Variants in PAIP1 observed in about 807,000 individuals in gnomAD.
The protein encoded by PAIP1 is polyadenylate-binding protein-interacting protein 1.
Under a neutral mutation model 61.3 loss-of-function variants are expected in PAIP1, and 16 were observed. The observed-to-expected ratio is 0.26, with a 90% CI of 0.18 to 0.40. PAIP1 has a LOEUF of 0.40. PAIP1 is among the 10% of genes least tolerant of loss of function. PAIP1 has a pLI of 1.00. For synonymous variants in PAIP1, 187 were observed against 226.2 expected, an observed-to-expected ratio of 0.83 and a Z score of 1.56; for missense variants, 416 against 600.9, an observed-to-expected ratio of 0.69 and a Z score of 3.22.
rs1453909225 is a variant in PAIP1 at position 43,534,752 on chromosome 5, T to A, written c.1197+101A>T. ...GTCACTCAAAGCCAGTGAAGACAGTTATTAGGCACTGAATTCTGAGAACAG... is the reference window on the plus strand; with the variant it reads ...GTCACTCAAAGCCAGTGAAGACAGTAATTAGGCACTGAATTCTGAGAACAG... On this transcript the variant is annotated intron_variant, in intron 8 of 10. Coordinates refer to ENST00000306846, the MANE Select transcript of PAIP1 (RefSeq NM_006451.5). 5 of 709,734 alleles carry A rather than the reference T, an allele frequency of 7.0e-6. No individual in the cohort carries two copies. In the African/African-American group the frequency reaches 8.9e-5, roughly 13 times the overall value. The allele number at this position is 709,734 out of a possible 1,614,324, so 44.0% of individuals were successfully genotyped here. A position where few individuals can be genotyped will look rare whatever the true frequency, so the allele number is the denominator to read the frequency against.
chr5:43,528,676 AATTAAAATATCACT>A (rs1746801741), intron 10 of PAIP1, among the ~76,000 whole-genome samples: 1 of 152,156 alleles, frequency 6.6e-6, no homozygotes, highest in African/African-American at 2.4e-5. Flanking sequence ...ACCGACACAT[AATTAAAATATCACT>A]AGAATAAAAG....
At chr5:43,543,679 CAGCTA>C (rs914286879) in intron 3 of PAIP1, among the ~76,000 whole-genome samples, 1 of 150,854 alleles carries the variant, frequency 6.6e-6, no homozygotes, top group African/African-American at 2.4e-5. Flanking sequence ...GAAATGAAAA[CAGCTA>C]AGCTACTTAA....
At chr5:43,549,435 C>T (rs1747774387) in intron 2 of PAIP1, among the ~76,000 whole-genome samples, 1 of 152,108 alleles carries the variant, frequency 6.6e-6, no homozygotes, top group Non-Finnish European at 1.5e-5. Context: ...CTATTCTTGT[C>T]ATAGTGAATA....
chr5:43,535,464 A>G (rs1747107147), intron 7 of PAIP1, 70 bp downstream of exon 7: 2 of 860,958 alleles, frequency 2.3e-6, no homozygotes, highest in Admixed American at 3.9e-5. Context: ...ATAGCAAATT[A>G]AAAAACAATC....
Position 43,557,025 on chromosome 5 carries a change from C to A in PAIP1, c.-179G>T. 9.0e-7 allele frequency: 1 copy of A among 1,108,916 alleles called. No individual in the cohort carries two copies. The highest frequency in any genetic ancestry group is 1.1e-6 in the Non-Finnish European group (1 of 872,772). 68.7% of individuals were successfully genotyped at this position (1,108,916 alleles called of 1,614,324 possible). On this transcript the variant is annotated 5_prime_UTR_variant, in exon 1 of 11. Coordinates refer to ENST00000306846, the MANE Select transcript of PAIP1 (RefSeq NM_006451.5). ...GCTTCTGGCGGAGCGGACGGCAGCC[C>A]GAGCACCCGCCGCTCCAGAGCGCCC...
chr5:43,556,329 T>G, intron 1 of PAIP1: 2 of 1,235,146 alleles, frequency 1.6e-6, no homozygotes, highest in Non-Finnish European at 2.0e-6. Context: ...GATTTTTACT[T>G]CCTCCCGGGA....
At chr5:43,539,143 T>C in intron 4 of PAIP1, 108 bp from the exon 5 acceptor site, 1 of 706,228 alleles carries the variant, frequency 1.4e-6, no homozygotes, top group Non-Finnish European at 2.5e-6. Flanking sequence ...GCAAGGACAA[T>C]GTCCCAATGC....
intron 3 of PAIP1, among the ~76,000 whole-genome samples, chr5:43,546,211 T>G (rs1055081351): frequency 1.3e-5 from 2 of 152,250 alleles, no homozygotes; most frequent in Non-Finnish European, 1.5e-5. Context: ...TTAAACATAC[T>G]GACTACATAT....
intron 2 of PAIP1, among the ~76,000 whole-genome samples, chr5:43,554,506 C>T (rs1402069374): frequency 1.3e-5 from 2 of 152,090 alleles, no homozygotes; most frequent in African/African-American, 4.8e-5. Context: ...TCCTATACAG[C>T]ATAAGAATCA....
At chr5:43,542,817 A>G (rs1253358588) in intron 4 of PAIP1, among the ~76,000 whole-genome samples, 187 bp downstream of exon 4, 1 of 152,242 alleles carries the variant, frequency 6.6e-6, no homozygotes, top group Non-Finnish European at 1.5e-5. Flanking sequence ...TTCTAAACAC[A>G]AAACCAAATT....
intron 4 of PAIP1, among the ~76,000 whole-genome samples, chr5:43,541,227 C>G (rs1747391965): frequency 7.1e-6 from 1 of 140,200 alleles, no homozygotes; most frequent in Non-Finnish European, 1.5e-5. Context: ...CGGGTTCACG[C>G]CATTCTCCTG....
At chr5:43,533,892 T>C in intron 8 of PAIP1, 100 bp from the exon 9 acceptor site, 2 of 731,220 alleles carry the variant, frequency 2.7e-6, no homozygotes, top group East Asian at 2.5e-5. Flanking sequence ...CTGCACCTAA[T>C]AATGCAAGAA....
intron 10 of PAIP1, among the ~76,000 whole-genome samples, chr5:43,529,188 G>C (rs577372918): frequency 1.3e-5 from 2 of 149,788 alleles, no homozygotes; most frequent in African/African-American, 2.4e-5. Context: ...TGGAGAAGCA[G>C]AACAGAAGTT....
chr5:43,537,236 T>C (rs1747190565), intron 5 of PAIP1, among the ~76,000 whole-genome samples: 1 of 152,212 alleles, frequency 6.6e-6, no homozygotes, highest in African/African-American at 2.4e-5. Context: ...CTACCACTTT[T>C]TTTTGAACAC....
intron 2 of PAIP1, among the ~76,000 whole-genome samples, chr5:43,555,382 A>C (rs1748020081): frequency 6.6e-6 from 1 of 152,238 alleles, no homozygotes; most frequent in African/African-American, 2.4e-5. Context: ...AGTACAACAA[A>C]TTCCTTTCTA....
intron 9 of PAIP1, 36 bp downstream of exon 9, chr5:43,533,702 C>G (rs1399934437): frequency 2.2e-6 from 3 of 1,372,244 alleles, no homozygotes; most frequent in African/African-American, 1.4e-5. Flanking sequence ...CTTTACCAAA[C>G]AACTGGGAGG....
intron 6 of PAIP1, 81 bp from the exon 7 acceptor site, chr5:43,535,721 G>T (rs1747119080): frequency 1.3e-6 from 1 of 741,178 alleles, no homozygotes; most frequent in Non-Finnish European, 2.3e-6. Flanking sequence ...AACAGTTCAA[G>T]CATTCTCTAA....
At position 43,556,664 on chromosome 5, in the gene PAIP1, C is replaced by T. The variant is rs1006923335; in HGVS notation, c.183G>A (p.Gln61=). The change falls in exon 1 of 11, where the codon CAG becomes CAA. Residue 61 remains glutamine (Q), a synonymous_variant. Transcript: ENST00000306846. ...CCCCTGGCGGCGGGGTCGTCCTGGGCTGGCGCAGCGGCGGTGGCTGCAGGA... is the reference window on the plus strand; with the variant it reads ...CCCCTGGCGGCGGGGTCGTCCTGGGTTGGCGCAGCGGCGGTGGCTGCAGGA... ...PGFLQPPPLR[Q]PRTTPPPGAQ... is the part of the protein sequence containing the mutation. 2.3e-6 allele frequency: 3 copies of T among 1,282,988 alleles called. No homozygotes were observed. Among genetic ancestry groups the T allele is most frequent in the African/African-American group, 1.5e-5 (1 of 64,558 alleles). The allele number at this position is 1,282,988 out of a possible 1,614,324, so 79.5% of individuals were successfully genotyped here. A position where few individuals can be genotyped will look rare whatever the true frequency, so the allele number is the denominator to read the frequency against.
intron 8 of PAIP1, among the ~76,000 whole-genome samples, chr5:43,534,042 G>A (rs1215203932): frequency 1.3e-5 from 2 of 152,152 alleles, no homozygotes; most frequent in African/African-American, 4.8e-5. Context: ...CTGTTCTGTT[G>A]TGCATTGTCA....
Sources: allele counts gnomAD v4.1 joint callset (sites outside exome capture counted in the v4.1 genomes callset), GRCh38; gene constraint gnomAD v4.1.1; transcripts MANE v1.5; gene names NCBI Gene and HGNC (gene_info 2026-07-23, HGNC 2026-07-21).